DOK4: variants seen among roughly 807,000 people sequenced by gnomAD.
DOK4 encodes downstream of tyrosine kinase 4.
In DOK4, 26 loss-of-function variants were observed where a neutral mutation model predicts 40.1. That is an observed-to-expected ratio of 0.65 (90% CI 0.48 to 0.90). The LOEUF is 0.90. Ranked by LOEUF, DOK4 falls within the 40% of genes least tolerant of loss-of-function variation. The pLI, the probability that DOK4 is intolerant of heterozygous loss-of-function variation, is 0.00. For synonymous variants in DOK4, 179 were observed against 177.0 expected, an observed-to-expected ratio of 1.01 and a Z score of -0.09; for missense variants, 392 against 437.2, an observed-to-expected ratio of 0.90 and a Z score of 0.92.
At chr16:57,478,341 A>G (rs1424999134) in intron 2 of DOK4, among the ~76,000 whole-genome samples, 1 of 149,262 alleles carries the variant, frequency 6.7e-6, no homozygotes, top group Non-Finnish European at 1.5e-5. Flanking sequence ...GCTGGGTGGC[A>G]GATCCCTCTC....
exon 4 of DOK4, chr16:57,475,566 G>C (rs200606635): frequency 1.9e-6 from 3 of 1,609,728 alleles, no homozygotes; most frequent in Non-Finnish European, 2.5e-6. Context: ...ACCGCCTGCC[G>C]CTTGGTCTCC....
intron 1 of DOK4, chr16:57,484,084 C>T (rs1356907551): frequency 6.6e-6 from 1 of 152,256 alleles, no homozygotes; most frequent in Non-Finnish European, 1.5e-5. Context: ...CCCTCACTGC[C>T]CACCTGCCCC....
chr16:57,484,557 C>T (rs2031495428), intron 1 of DOK4, among the ~76,000 whole-genome samples: 1 of 152,152 alleles, frequency 6.6e-6, no homozygotes, highest in African/African-American at 2.4e-5. Flanking sequence ...AGCCATGGTC[C>T]CCCAGACCCT....
At chr16:57,482,415 G>A (rs1330277294) in intron 1 of DOK4, among the ~76,000 whole-genome samples, 6 of 130,494 alleles carry the variant, frequency 4.6e-5, no homozygotes, top group African/African-American at 1.5e-4. Context: ...TGCCCAGGCT[G>A]GAGTGCAGTG....
exon 7 of DOK4, chr16:57,474,030 A>T (rs1426190150): frequency 6.2e-7 from 1 of 1,614,110 alleles, no homozygotes; most frequent in South Asian, 1.1e-5. Context: ...CTTCCCCAGC[A>T]TCACACATCC....
At chr16:57,475,467 C>G in intron 4 of DOK4, 39 bp downstream of exon 4, 2 of 1,558,656 alleles carry the variant, frequency 1.3e-6, no homozygotes, top group Non-Finnish European at 1.7e-6. Flanking sequence ...CCAAGACCAC[C>G]CCAGGGGAGG....
At chr16:57,483,897 G>A (rs1247354243) in intron 1 of DOK4, 1 of 152,258 alleles carries the variant, frequency 6.6e-6, no homozygotes, top group Non-Finnish European at 1.5e-5. Flanking sequence ...GGGGAGCAAG[G>A]GCCCCCCGCA....
chr16:57,473,275 C>T lies in DOK4; in HGVS notation c.*102G>A, dbSNP rs567960851. On this transcript the variant is annotated 3_prime_UTR_variant, in exon 9 of 9. Coordinates refer to ENST00000340099, the Ensembl canonical transcript of DOK4. Reference sequence around the variant, plus strand: ...GAGGGGGCAGCTTGCTCCCTTTCTCCAGGCTCTTGGCCGACAGCCCCCTGA... The same window carrying T: ...GAGGGGGCAGCTTGCTCCCTTTCTCTAGGCTCTTGGCCGACAGCCCCCTGA... 1.3e-5 allele frequency: 19 copies of T among 1,468,756 alleles called. No individual in the cohort carries two copies. The South Asian group carries it at 2.4e-4, about 19-fold the overall frequency. 91.0% of individuals were successfully genotyped at this position (1,468,756 alleles called of 1,614,324 possible).
exon 4 of DOK4, chr16:57,475,558 C>T (rs199710446): frequency 1.9e-4 from 311 of 1,609,952 alleles, no homozygotes; most frequent in Non-Finnish European, 2.4e-4. Flanking sequence ...TGATGGCCAC[C>T]GCCTGCCGCT....
At chr16:57,474,949 T>C in exon 6 of DOK4, 1 of 1,613,006 alleles carries the variant, frequency 6.2e-7, no homozygotes, top group South Asian at 1.1e-5. Flanking sequence ...CACGTCCAGG[T>C]TGGGGCAGGG....
chr16:57,472,914 C>T (rs928062088), exon 9 of DOK4: 1 of 159,162 alleles, frequency 6.3e-6, no homozygotes. Context: ...AGTCAGAGTG[C>T]CAGCCTCAAG....
exon 9 of DOK4, chr16:57,471,964 T>C (rs1364937953): frequency 6.5e-6 from 1 of 152,730 alleles, no homozygotes; most frequent in African/African-American, 2.4e-5. Flanking sequence ...GAAGTTGTCT[T>C]TTTAAAAGTG....
intron 2 of DOK4, among the ~76,000 whole-genome samples, chr16:57,476,962 A>G (rs1299036613): frequency 6.6e-6 from 1 of 152,158 alleles, no homozygotes; most frequent in Non-Finnish European, 1.5e-5. Context: ...CCTCCTGCCT[A>G]GACTTTTTTC....
At chr16:57,475,856 G>A (rs2031152383) in exon 3 of DOK4, 5 of 1,612,642 alleles carry the variant, frequency 3.1e-6, no homozygotes, top group Non-Finnish European at 4.2e-6. Flanking sequence ...TAACCTTGGG[G>A]CAGCCCCGGA....
chr16:57,473,006 G>A (rs902409717), exon 9 of DOK4: 36 of 213,068 alleles, frequency 1.7e-4, no homozygotes, highest in Non-Finnish European at 2.8e-4. Flanking sequence ...GGATGGACAC[G>A]ACTGCACTCA....
chr16:57,476,115 T>A, intron 2 of DOK4, 158 bp from the exon 3 acceptor site: 1 of 620,718 alleles, frequency 1.6e-6, no homozygotes, highest in Non-Finnish European at 2.9e-6. Context: ...ACCAGCAGTG[T>A]CACCTCCCTG....
chr16:57,475,327 G>A, intron 4 of DOK4, 108 bp from the exon 5 acceptor site: 1 of 1,531,262 alleles, frequency 6.5e-7, no homozygotes, highest in Non-Finnish European at 8.8e-7. Context: ...AGGACAGTGG[G>A]TTCTGCCTGC....
Position 57,474,114 on chromosome 16 carries a change from C to G in DOK4, c.600-75G>C, listed in dbSNP as rs189324241. ...GCATGTGATTAGTTAGGCTCTCTTGCAACTGCAAGTTGTGGTTGCATTCCA... is the reference window on the plus strand; with the variant it reads ...GCATGTGATTAGTTAGGCTCTCTTGGAACTGCAAGTTGTGGTTGCATTCCA... On this transcript the variant is annotated intron_variant, in intron 6 of 8. Transcript: ENST00000340099. 463 of 1,588,272 alleles carry G rather than the reference C, an allele frequency of 2.9e-4. No individual in the cohort carries two copies. The African/African-American group carries it at 3.0e-3, about 10-fold the overall frequency.
chr16:57,486,087 C>T (rs2031530750), intron 1 of DOK4, among the ~76,000 whole-genome samples: 1 of 152,026 alleles, frequency 6.6e-6, no homozygotes, highest in African/African-American at 2.4e-5. Flanking sequence ...GAGAGGAAAG[C>T]TGCGGGTGGA....
Sources: gnomAD v4.1 joint callset for allele counts (sites outside exome capture counted in the v4.1 genomes callset) on GRCh38, gnomAD v4.1.1 for gene constraint, MANE v1.5 for transcripts, NCBI Gene and HGNC (gene_info 2026-07-23, HGNC 2026-07-21) for gene names.